Variants in NFIA observed in about 807,000 individuals in gnomAD.
NFIA encodes the protein nuclear factor I A, also known as nuclear factor 1 A-type.
Under a neutral mutation model 62.8 loss-of-function variants are expected in NFIA, and 8 were observed. That is an observed-to-expected ratio of 0.13 (90% CI 0.07 to 0.23). The LOEUF (loss-of-function observed/expected upper bound fraction) is 0.23, where lower values mean the gene tolerates loss of function less well. Ranked by LOEUF, NFIA falls within the 10% of genes least tolerant of loss-of-function variation. NFIA has a pLI of 1.00. For synonymous variants in NFIA, 235 were observed against 238.1 expected (o/e 0.99, Z 0.12); for missense variants, 410 against 642.1 (o/e 0.64, Z 3.91).
chr1:61,413,615 CTTTTTTTTTT>C (rs869258274), intron 9 of NFIA, among the ~76,000 whole-genome samples: 6 of 68,390 alleles, frequency 8.8e-5, no homozygotes, highest in South Asian at 7.6e-4. Context: ...AAGTATTTTG[CTTTTTTTTTT>C]TTTTTTTTTT....
intron 2 of NFIA, 49 bp from the exon 3 acceptor site, chr1:61,277,471 T>C (rs146396104): frequency 1.3e-6 from 2 of 1,594,984 alleles, no homozygotes. Flanking sequence ...TCTGATGCAC[T>C]TTCCCTTGCA....
chr1:61,277,701 C>T (rs1657891844), intron 3 of NFIA, 116 bp downstream of exon 3: 2 of 975,744 alleles, frequency 2.0e-6, no homozygotes, highest in Non-Finnish European at 3.1e-6. Flanking sequence ...AGGAACAACT[C>T]CAAAGACTCG....
At chr1:61,372,276 T>A (rs1663926532) in intron 6 of NFIA, among the ~76,000 whole-genome samples, 1 of 152,164 alleles carries the variant, frequency 6.6e-6, no homozygotes, top group African/African-American at 2.4e-5. Flanking sequence ...ATTTACTTAA[T>A]TGATATGCCA....
chr1:61,319,945 T>C (rs1000367777), intron 3 of NFIA, among the ~76,000 whole-genome samples: 8 of 152,072 alleles, frequency 5.3e-5, no homozygotes, highest in South Asian at 2.1e-4. Flanking sequence ...CTCAGATCTG[T>C]GTTCTCTATT....
chr1:61,275,621 A>G (rs566090948), intron 2 of NFIA, among the ~76,000 whole-genome samples: 1 of 152,294 alleles, frequency 6.6e-6, no homozygotes, highest in South Asian at 2.1e-4. Flanking sequence ...GCAAAATTTT[A>G]TGTATCTGTT....
At chr1:61,237,494 T>C (rs1346504089) in intron 2 of NFIA, among the ~76,000 whole-genome samples, 1 of 152,156 alleles carries the variant, frequency 6.6e-6, no homozygotes, top group Non-Finnish European at 1.5e-5. Flanking sequence ...AAAACTGAAA[T>C]TCAGAAAACA....
chr1:61,388,857 G>A (rs1664830613), intron 7 of NFIA, among the ~76,000 whole-genome samples: 1 of 152,182 alleles, frequency 6.6e-6, no homozygotes, highest in Non-Finnish European at 1.5e-5. Context: ...ACTCACACTT[G>A]TAATCCCAGC....
chr1:61,349,763 T>A (rs1662449679), intron 4 of NFIA, among the ~76,000 whole-genome samples: 2 of 150,600 alleles, frequency 1.3e-5, no homozygotes, highest in Admixed American at 6.6e-5. Flanking sequence ...AAAAAAATAT[T>A]TTTTTTTTCT....
At chr1:61,366,675 C>A (rs564049221) in intron 6 of NFIA, among the ~76,000 whole-genome samples, 1 of 152,300 alleles carries the variant, frequency 6.6e-6, no homozygotes, top group South Asian at 2.1e-4. Flanking sequence ...GTAATCCCAG[C>A]ACTTTGGGAG....
chr1:61,455,212 A>G, intron 10 of NFIA, 91 bp from the exon 11 acceptor site: 1 of 1,357,932 alleles, frequency 7.4e-7, no homozygotes. Context: ...TCCCTAACGT[A>G]GATCCTGATT....
At chr1:61,378,436 G>A (rs1036043110) in intron 6 of NFIA, among the ~76,000 whole-genome samples, 1 of 152,102 alleles carries the variant, frequency 6.6e-6, no homozygotes, top group Non-Finnish European at 1.5e-5. Flanking sequence ...AACCTAGGGT[G>A]GATTAGGTAA....
At chr1:61,116,956 G>A (rs1471468159) in intron 2 of NFIA, among the ~76,000 whole-genome samples, 1 of 152,130 alleles carries the variant, frequency 6.6e-6, no homozygotes, top group African/African-American at 2.4e-5. Context: ...CCATTTTAAA[G>A]CATGCCTTTT....
intron 3 of NFIA, among the ~76,000 whole-genome samples, chr1:61,330,433 T>TAC (rs200114707): frequency 0.058 from 4,439 of 77,126 alleles, 348 homozygotes; most frequent in African/African-American, 0.18. Flanking sequence ...AGGAAATAGA[T>TAC]ACACCCCCCC....
rs528730360 is a variant in NFIA at position 61,245,838 on chromosome 1, ATT to A, written c.560-31680_560-31679del. On this transcript the variant is annotated intron_variant, in intron 2 of 10. Coordinates refer to ENST00000403491, the MANE Select transcript of NFIA (RefSeq NM_001134673.4). ...ATTCTGTGATATAAATTCATTTGGAATTTAAATACTTAGAGCTCACGGCAAGA... is the reference window on the plus strand; with the variant it reads ...ATTCTGTGATATAAATTCATTTGGAATAAATACTTAGAGCTCACGGCAAGA... Among the ~76,000 whole-genome samples the A allele has an allele frequency of 9.2e-5, 14 of 152,318 alleles. No homozygotes were observed. The South Asian group carries it at 2.9e-3, about 32-fold the overall frequency.
chr1:61,134,808 A>G (rs984620010), intron 2 of NFIA, among the ~76,000 whole-genome samples: 1 of 152,218 alleles, frequency 6.6e-6, no homozygotes, highest in Non-Finnish European at 1.5e-5. Flanking sequence ...TGGGCAACAT[A>G]GGGAGACCCT....
intron 2 of NFIA, among the ~76,000 whole-genome samples, chr1:61,090,476 C>A (rs906196569): frequency 6.6e-6 from 1 of 152,158 alleles, no homozygotes; most frequent in Non-Finnish European, 1.5e-5. Context: ...AAACATTTCT[C>A]TGTTATTTAA....
At chr1:61,298,432 C>G (rs1416471268) in intron 3 of NFIA, among the ~76,000 whole-genome samples, 1 of 151,966 alleles carries the variant, frequency 6.6e-6, no homozygotes, top group Non-Finnish European at 1.5e-5. Context: ...AACGTACTAC[C>G]CTTTTAGATA....
intron 2 of NFIA, among the ~76,000 whole-genome samples, chr1:61,266,986 G>T (rs1657213993): frequency 1.3e-5 from 2 of 152,148 alleles, no homozygotes; most frequent in South Asian, 4.1e-4. Context: ...GTTCAGGGAG[G>T]TAAAGGGGCT....
intron 3 of NFIA, among the ~76,000 whole-genome samples, chr1:61,300,099 AT>A (rs1216575724): frequency 6.6e-6 from 1 of 152,014 alleles, no homozygotes; most frequent in Non-Finnish European, 1.5e-5. Context: ...ATTAAAAAAA[AT>A]TTTTTTAACT....
Sources: gnomAD v4.1 joint callset for allele counts (sites outside exome capture counted in the v4.1 genomes callset) on GRCh38, gnomAD v4.1.1 for gene constraint, MANE v1.5 for transcripts, NCBI Gene and HGNC (gene_info 2026-07-23, HGNC 2026-07-21) for gene names.